RP1: variants seen among roughly 807,000 people sequenced by gnomAD.
RP1 encodes oxygen-regulated protein 1.
In RP1, 16 loss-of-function variants were observed where a neutral mutation model predicts 14.8. The observed-to-expected ratio is 1.08, with a 90% CI of 0.73 to 1.65. RP1 has a LOEUF of 1.65. RP1 is among the 40% of genes most tolerant of loss of function. The pLI, the probability that RP1 is intolerant of heterozygous loss-of-function variation, is 0.00. For missense variants in RP1, 2,631 were observed against 2,535.0 expected, an observed-to-expected ratio of 1.04 and a Z score of -0.81; for synonymous variants, 876 against 883.6, an observed-to-expected ratio of 0.99 and a Z score of 0.15.
At chr8:54,621,688 T>G in intron 2 of RP1, 107 bp downstream of exon 2, 1 of 1,492,686 alleles carries the variant, frequency 6.7e-7, no homozygotes, top group Non-Finnish European at 9.2e-7. Flanking sequence ...TCTTCCTTCC[T>G]CCCTGCCTGT....
Position 54,649,270 on chromosome 8 carries a change from A to G in RP1, c.951+122A>G, listed in dbSNP as rs551403963. ...GCCCTGTAGAAGATCATTCAAAAAT[A>G]ATTTATGGAAGTTTTTGCTCAAGCA... On this transcript the variant is annotated intron_variant, in intron 4 of 22. Transcript: ENST00000636932. 3.9e-6 allele frequency: 3 copies of G among 772,156 alleles called. No homozygotes were observed. The African/African-American group carries it at 5.4e-5, about 14-fold the overall frequency. The allele number at this position is 772,156 out of a possible 1,614,324, so 47.8% of individuals were successfully genotyped here.
intron 1 of RP1, among the ~76,000 whole-genome samples, chr8:54,562,411 G>T (rs1804304855): frequency 6.6e-6 from 1 of 152,184 alleles, no homozygotes; most frequent in Non-Finnish European, 1.5e-5. Flanking sequence ...AAGTAGGCTG[G>T]GTGTGGTGGC....
chr8:54,626,658 T>C lies in RP1; in HGVS notation c.2776T>C (p.Tyr926His). Residue 926 changes from tyrosine to histidine, a missense_variant, in exon 4 of 4, where the codon TAT (tyrosine) becomes CAT (histidine). By Grantham distance (83) the Tyr-to-His change is moderately conservative. Coordinates refer to ENST00000220676, the MANE Select transcript of RP1 (RefSeq NM_006269.2). The stretch of plus-strand genomic sequence containing the variant: ...GAGTTGGTTGCAGAACATAAATCCA[T>C]ATCCAACTTTAAAGCCTATAAAATC... ...IQSWLQNINP[Y>H]PTLKPIKSAP... is the part of the protein sequence containing the mutation. The C allele has an allele frequency of 6.2e-7, 1 of 1,613,934 alleles. No homozygotes were observed. Among genetic ancestry groups the C allele is most frequent in the Non-Finnish European group, 8.5e-7 (1 of 1,179,920 alleles).
At chr8:54,770,155 G>C (rs1012538038), downstream of RP1, 3 of 401,602 alleles carry the variant, frequency 7.5e-6, no homozygotes, top group Non-Finnish European at 1.3e-5. Context: ...TAAAATACAA[G>C]AGGAAGCAAA....
intron 24 of RP1, among the ~76,000 whole-genome samples, chr8:54,823,838 G>T (rs1036245321): frequency 7.9e-5 from 12 of 152,154 alleles, no homozygotes; most frequent in African/African-American, 2.2e-4. Flanking sequence ...TTGCTAGGTT[G>T]TATGGTAGTG....
chr8:54,740,403 TAAAAAAAAAAAAAA>T (rs34753388), intron 19 of RP1, among the ~76,000 whole-genome samples: 4 of 80,244 alleles, frequency 5.0e-5, no homozygotes, highest in African/African-American at 1.8e-4. Flanking sequence ...GCTTAAAAAG[TAAAAAAAAAAAAAA>T]AAAAAAAAAA....
intron 19 of RP1, among the ~76,000 whole-genome samples, chr8:54,741,256 A>G (rs12542559): frequency 0.16 from 24,805 of 152,120 alleles, 4,804 homozygotes; most frequent in African/African-American, 0.47. Context: ...GTAGTGTACA[A>G]TAATGTCCTA....
intron 1 of RP1, among the ~76,000 whole-genome samples, chr8:54,575,845 G>A (rs35142655): frequency 3.3e-5 from 5 of 152,080 alleles, no homozygotes; most frequent in African/African-American, 9.7e-5. Context: ...GTGTCCATGA[G>A]TTCTCAAAAA....
chr8:54,847,792 C>T (rs1337685847), intron 25 of RP1, among the ~76,000 whole-genome samples: 1 of 152,238 alleles, frequency 6.6e-6, no homozygotes, highest in Non-Finnish European at 1.5e-5. Flanking sequence ...AGCTCAGGCT[C>T]TGGGGCAGTG....
At chr8:54,701,434 A>AT in intron 13 of RP1, 2 of 1,454,648 alleles carry the variant, frequency 1.4e-6, no homozygotes, top group East Asian at 2.5e-5. Context: ...GATTACATTA[A>AT]ATTTTTTTTT....
chr8:54,787,260 A>T (rs1027845061), intron 24 of RP1, among the ~76,000 whole-genome samples: 1 of 152,178 alleles, frequency 6.6e-6, no homozygotes, highest in Non-Finnish European at 1.5e-5. Context: ...CAAAATGTCC[A>T]TTACGGCAGA....
chr8:54,709,653 A>C (rs1486711320), intron 15 of RP1, among the ~76,000 whole-genome samples: 3 of 152,216 alleles, frequency 2.0e-5, no homozygotes, highest in Admixed American at 2.0e-4. Context: ...CAGAACATTA[A>C]AATAAGAAAT....
At chr8:54,661,973 AT>A (rs1806910018) in intron 6 of RP1, among the ~76,000 whole-genome samples, 2 of 151,592 alleles carry the variant, frequency 1.3e-5, no homozygotes, top group Admixed American at 1.3e-4. Context: ...TAAATTTTCT[AT>A]TTCTTTGTGA....
At position 54,629,479 on chromosome 8, in the gene RP1, C is replaced by G. The variant is rs772940821; in HGVS notation, c.5597C>G (p.Ser1866Cys). The stretch of plus-strand genomic sequence containing the variant: ...CATCAGTCAGAAAGAGTATGCACAT[C>G]TGTCACTCATTCCTTTATTTCTGCT... ...GSHQSERVCT[S>C]VTHSFISAGN... The change falls in exon 4 of 4, where the codon TCT becomes TGT. Residue 1866 changes from serine to cysteine, a missense_variant. Coordinates refer to ENST00000220676, the MANE Select transcript of RP1 (RefSeq NM_006269.2). The G allele has an allele frequency of 1.9e-6, 3 of 1,614,014 alleles. No homozygotes were observed.
intron 23 of RP1, among the ~76,000 whole-genome samples, chr8:54,782,049 C>CA (rs890485891): frequency 1.3e-5 from 2 of 152,002 alleles, no homozygotes; most frequent in African/African-American, 4.8e-5. Context: ...AGAAGACCTA[C>CA]AAAAAAGGAA....
At chr8:54,679,650 G>T (rs1229982963) in intron 11 of RP1, 1 of 1,535,230 alleles carries the variant, frequency 6.5e-7, no homozygotes, top group Non-Finnish European at 8.7e-7. Flanking sequence ...TTGGGCTTTA[G>T]ATTATCTCAT....
rs192440119 is a variant in RP1 at position 54,588,731 on chromosome 8, T to G, written c.-13+29411T>G. ...TGGTTACTGACTTTACATCTCTAGA[T>G]GTACATGGGCCTCCCTTAATTTTAA... is the stretch of plus-strand genomic sequence containing the variant. On this transcript the variant is annotated intron_variant, in intron 1 of 22. Coordinates refer to the RP1 transcript ENST00000636932. Among the ~76,000 whole-genome samples the G allele has an allele frequency of 5.8e-4, 89 of 152,340 alleles. 1 individual carries two copies. Among genetic ancestry groups the G allele is most frequent in the Admixed American group, 5.7e-3 (87 of 15,312 alleles).
At chr8:54,737,110 A>G (rs1353487012) in intron 18 of RP1, among the ~76,000 whole-genome samples, 1 of 152,108 alleles carries the variant, frequency 6.6e-6, no homozygotes, top group Non-Finnish European at 1.5e-5. Context: ...ATTTTATTAA[A>G]CTTGGGTTCA....
intron 24 of RP1, among the ~76,000 whole-genome samples, chr8:54,795,722 T>G (rs1810563000): frequency 6.6e-6 from 1 of 152,188 alleles, no homozygotes; most frequent in African/African-American, 2.4e-5. Flanking sequence ...CATCTTTATT[T>G]GTGGACTTGA....
Sources: gnomAD v4.1 joint callset for allele counts (sites outside exome capture counted in the v4.1 genomes callset) on GRCh38, gnomAD v4.1.1 for gene constraint, MANE v1.5 for transcripts, NCBI Gene and HGNC (gene_info 2026-07-23, HGNC 2026-07-21) for gene names.